The following C6 variants were observed in gnomAD, a reference collection of about 807,000 sequenced individuals.
C6 encodes complement component C6.
A neutral mutation model predicts 112.9 loss-of-function variants in C6; 101 were observed. The observed-to-expected ratio is 0.89, with a 90% CI of 0.76 to 1.06. The LOEUF (loss-of-function observed/expected upper bound fraction) is 1.06, where lower values mean the gene tolerates loss of function less well. Among genes scored for constraint, C6 ranks in the 50% least tolerant of loss-of-function variants. The pLI is 0.00. For synonymous variants in C6, 431 were observed against 384.1 expected (o/e 1.12, Z -1.43); for missense variants, 1,202 against 1,104.6 (o/e 1.09, Z -1.25).
At chr5:41,225,502 A>G (rs1333761251) in intron 1 of C6, among the ~76,000 whole-genome samples, 1 of 150,846 alleles carries the variant, frequency 6.6e-6, no homozygotes, top group South Asian at 2.1e-4. Flanking sequence ...AGTCTTTGCT[A>G]TTGTGAATAG....
intron 1 of C6, among the ~76,000 whole-genome samples, chr5:41,248,714 G>A (rs551958400): frequency 2.0e-5 from 3 of 152,170 alleles, no homozygotes; most frequent in East Asian, 1.9e-4. Context: ...ATGCTTATAC[G>A]CTGCTGGTGG....
At chr5:41,178,313 A>G (rs540897330) in intron 7 of C6, among the ~76,000 whole-genome samples, 1 of 152,148 alleles carries the variant, frequency 6.6e-6, no homozygotes, top group East Asian at 1.9e-4. Flanking sequence ...TTTGTCCAAC[A>G]AATGTCTAGT....
At chr5:41,162,020 C>T (rs757584541) in intron 9 of C6, among the ~76,000 whole-genome samples, 161 bp from the exon 10 acceptor site, 7 of 152,154 alleles carry the variant, frequency 4.6e-5, no homozygotes, top group Non-Finnish European at 8.8e-5. Flanking sequence ...CACTCCTCCT[C>T]CCTGTAGGGA....
intron 13 of C6, 64 bp downstream of exon 13, chr5:41,158,610 A>C (rs1189718313): frequency 1.1e-5 from 9 of 853,512 alleles, no homozygotes; most frequent in Non-Finnish European, 1.8e-5. Flanking sequence ...TCTAATTAAA[A>C]GACAAGCTAT....
At chr5:41,214,808 C>A (rs1393919212), upstream of C6, among the ~76,000 whole-genome samples, 2 of 152,022 alleles carry the variant, frequency 1.3e-5, no homozygotes, top group African/African-American at 2.4e-5. Flanking sequence ...CAGAGAGATG[C>A]AAAGTTAGGT....
chr5:41,221,794 G>T (rs1739180398), intron 1 of C6, among the ~76,000 whole-genome samples: 1 of 152,142 alleles, frequency 6.6e-6, no homozygotes, highest in Admixed American at 6.6e-5. Flanking sequence ...AAACAAAAAA[G>T]TATCAACAAT....
intron 5 of C6, among the ~76,000 whole-genome samples, chr5:41,191,909 C>A (rs1178238903): frequency 1.3e-5 from 2 of 151,818 alleles, no homozygotes; most frequent in African/African-American, 4.8e-5. Context: ...CTTTTCCTTG[C>A]CTAATTGCTC....
chr5:41,184,058 C>A (rs575950633), intron 6 of C6, among the ~76,000 whole-genome samples: 1 of 152,062 alleles, frequency 6.6e-6, no homozygotes, highest in South Asian at 2.1e-4. Context: ...ATCATTTGTA[C>A]CCCCAACCTC....
Position 41,151,243 on chromosome 5 carries a change from A to G in C6, c.2291-1218T>C, listed in dbSNP as rs373455774. Among the ~76,000 whole-genome samples the G allele has an allele frequency of 2.6e-4, 40 of 152,262 alleles. No homozygotes were observed. The East Asian group carries it at 4.4e-3, about 17-fold the overall frequency. On this transcript the variant is annotated intron_variant, in intron 15 of 17. Coordinates refer to ENST00000337836, the MANE Select transcript of C6 (RefSeq NM_000065.5). ...ATTGTGGTAGTTCAGGTGAAAGAGG[A>G]TGATAATTTGGACCAAGGTTCCAGA...
intron 7 of C6, among the ~76,000 whole-genome samples, chr5:41,180,712 G>C (rs956297052): frequency 7.2e-5 from 11 of 151,914 alleles, no homozygotes; most frequent in African/African-American, 2.2e-4. Context: ...CTACTATCAA[G>C]AGAAGAAGAT....
In C6 at chr5:41,153,976, A is replaced by T. The variant is rs1463458829; in HGVS notation, c.2124T>A (p.Val708=). The T allele has an allele frequency of 6.2e-7, 1 of 1,613,806 alleles. No individual in the cohort carries two copies. The highest frequency in any genetic ancestry group is 2.2e-5 in the East Asian group (1 of 44,846). ...ECQRTECIKP[V]VQEVLTITPF... is the part of the protein sequence containing the mutation. ...GTGTAATTGTCAGGACTTCCTGCACAACTGGCTTGATGCACTCCGTCCCTG... is the reference window on the plus strand; with the variant it reads ...GTGTAATTGTCAGGACTTCCTGCACTACTGGCTTGATGCACTCCGTCCCTG... The change falls in exon 15 of 18, where the codon GTT becomes GTA. Residue 708 remains valine, a synonymous_variant. Coordinates refer to ENST00000337836, the MANE Select transcript of C6 (RefSeq NM_000065.5).
At chr5:41,233,417 G>T (rs1017153794) in intron 1 of C6, among the ~76,000 whole-genome samples, 1 of 152,160 alleles carries the variant, frequency 6.6e-6, no homozygotes, top group East Asian at 1.9e-4. Flanking sequence ...TAAAATCTAT[G>T]TTCACTTTAG....
intron 5 of C6, 101 bp downstream of exon 5, chr5:41,195,691 A>G: frequency 8.1e-7 from 1 of 1,241,536 alleles, no homozygotes; most frequent in Non-Finnish European, 1.2e-6. Flanking sequence ...GAGTAGTAAG[A>G]AGTTAATGAG....
chr5:41,146,624 A>T (rs764319211), intron 17 of C6, among the ~76,000 whole-genome samples: 5 of 152,202 alleles, frequency 3.3e-5, no homozygotes, highest in Non-Finnish European at 7.4e-5. Flanking sequence ...AAATGCTTTG[A>T]GTTTCCTGAT....
At chr5:41,214,245 G>C (rs753431499), upstream of C6, among the ~76,000 whole-genome samples, 1 of 152,112 alleles carries the variant, frequency 6.6e-6, no homozygotes, top group Non-Finnish European at 1.5e-5. Context: ...TTGGAACACT[G>C]GTCCCTCATT....
intron 4 of C6, 42 bp from the exon 5 acceptor site, chr5:41,195,975 A>G: frequency 1.2e-6 from 2 of 1,609,552 alleles, no homozygotes; most frequent in Non-Finnish European, 1.7e-6. Context: ...ACAAATTATC[A>G]TTTTAGAAAG....
chr5:41,167,660 C>T (rs1018308945), intron 9 of C6, among the ~76,000 whole-genome samples: 5 of 152,088 alleles, frequency 3.3e-5, no homozygotes, highest in African/African-American at 1.2e-4. Context: ...CTCATACTAA[C>T]TTATCATAAC....
In C6 at chr5:41,203,384, C is replaced by A. The variant is rs552807465; in HGVS notation, c.-20-134G>T. 14 of 810,854 alleles carry A rather than the reference C, an allele frequency of 1.7e-5. No individual in the cohort carries two copies. The East Asian group carries it at 3.8e-4, about 22-fold the overall frequency. The allele number at this position is 810,854 out of a possible 1,614,324, so 50.2% of individuals were successfully genotyped here. ...TTCTGCCTTCCTTAAGGCAAGTCAA[C>A]ACCTACAAATTCACATGCTCGTGAG... On this transcript the variant is annotated intron_variant, in intron 1 of 17. Coordinates refer to ENST00000337836, the MANE Select transcript of C6 (RefSeq NM_000065.5).
At chr5:41,169,989 T>G (rs1487427892) in intron 9 of C6, among the ~76,000 whole-genome samples, 1 of 152,204 alleles carries the variant, frequency 6.6e-6, no homozygotes, top group South Asian at 2.1e-4. Context: ...TGAGTAGTTT[T>G]TTTCCAGTAG....
Sources: gnomAD v4.1 joint callset for allele counts (sites outside exome capture counted in the v4.1 genomes callset) on GRCh38, gnomAD v4.1.1 for gene constraint, MANE v1.5 for transcripts, NCBI Gene and HGNC (gene_info 2026-07-23, HGNC 2026-07-21) for gene names.